SYNPR: variants seen among roughly 807,000 people sequenced by gnomAD.
The protein encoded by SYNPR is synaptoporin.
A neutral mutation model predicts 32.9 loss-of-function variants in SYNPR; 23 were observed. The ratio of observed to expected loss-of-function variants is 0.70; its 90% CI spans 0.50 to 0.99. SYNPR has a LOEUF of 0.99. SYNPR is among the 50% of genes least tolerant of loss of function. SYNPR has a pLI of 0.00. For missense variants in SYNPR, 318 were observed against 349.3 expected (o/e 0.91, Z 0.71); for synonymous variants, 146 against 135.9 (o/e 1.07, Z -0.52).
intron 2 of SYNPR, among the ~76,000 whole-genome samples, chr3:63,280,722 A>AGG (rs1456823049): frequency 7.8e-5 from 10 of 127,518 alleles, no homozygotes; most frequent in African/African-American, 1.9e-4. Context: ...CCCTTGGGGG[A>AGG]GGGGTGTGTG....
At chr3:63,267,531 A>C (rs2106906214) in intron 3 of SYNPR, 1 of 152,262 alleles carries the variant, frequency 6.6e-6, no homozygotes. Context: ...GATGGAGCCA[A>C]TTTATGACAG....
chr3:63,330,904 T>C (rs2087221615), intron 2 of SYNPR, among the ~76,000 whole-genome samples: 1 of 152,006 alleles, frequency 6.6e-6, no homozygotes, highest in African/African-American at 2.4e-5. Context: ...CCCCATTAGA[T>C]AAGGAAGAAA....
chr3:63,408,513 A>G (rs1393400674), intron 2 of SYNPR, among the ~76,000 whole-genome samples: 2 of 152,134 alleles, frequency 1.3e-5, no homozygotes, highest in African/African-American at 4.8e-5. Context: ...TGAAGGCTTG[A>G]GAACCACGAG....
At chr3:63,280,085 C>T (rs1334350461) in intron 2 of SYNPR, among the ~76,000 whole-genome samples, 1 of 152,144 alleles carries the variant, frequency 6.6e-6, no homozygotes, top group Non-Finnish European at 1.5e-5. Flanking sequence ...AAAATAATAG[C>T]TCCATTGTCA....
chr3:63,554,088 C>T (rs1034230540), intron 3 of SYNPR, among the ~76,000 whole-genome samples: 2 of 152,106 alleles, frequency 1.3e-5, no homozygotes, highest in African/African-American at 4.8e-5. Context: ...TCATTTCTTG[C>T]TTGTTGATTT....
chr3:63,379,022 T>C (rs184930837), intron 2 of SYNPR, among the ~76,000 whole-genome samples: 10 of 152,320 alleles, frequency 6.6e-5, no homozygotes, highest in Admixed American at 6.5e-4. Context: ...CAATTCAATG[T>C]ATTTTAAAAA....
intron 2 of SYNPR, among the ~76,000 whole-genome samples, chr3:63,370,986 A>T (rs2087804796): frequency 6.6e-6 from 1 of 152,152 alleles, no homozygotes; most frequent in Admixed American, 6.5e-5. Context: ...CACGGACAGA[A>T]GAAACAGTGG....
the SYNPR span, among the ~76,000 whole-genome samples, chr3:63,211,859 CT>C: frequency 1.8e-5 from 2 of 112,824 alleles, no homozygotes; most frequent in East Asian, 2.7e-4. Flanking sequence ...TCCCTCCCCC[CT>C]CCCCCGACCC....
intron 2 of SYNPR, among the ~76,000 whole-genome samples, chr3:63,308,493 G>A (rs1281697779): frequency 6.6e-6 from 1 of 151,822 alleles, no homozygotes; most frequent in South Asian, 2.1e-4. Flanking sequence ...CTTTTGTAGT[G>A]TATGTCTGTT....
rs867305848 is a variant in SYNPR at position 63,232,215 on chromosome 3, T to C, written n.66+3835T>C. On this transcript the variant is annotated intron_variant and non_coding_transcript_variant, in intron 1 of 4. Coordinates refer to the SYNPR transcript ENST00000478456. ...GACTTTTTTTTTTTTTTTTTTTTTT[T>C]TTTTGAGACAGAGTCTTGTTCTGTT... Among the ~76,000 whole-genome samples the C allele has an allele frequency of 1.4e-3, 200 of 145,460 alleles. 1 individual carries two copies. Among genetic ancestry groups the C allele is most frequent in the Middle Eastern group, 0.01 (3 of 288 alleles).
intron 2 of SYNPR, among the ~76,000 whole-genome samples, chr3:63,327,486 A>G (rs1474348734): frequency 1.3e-5 from 2 of 152,148 alleles, no homozygotes; most frequent in Non-Finnish European, 2.9e-5. Flanking sequence ...ATTCTTAGGT[A>G]TGTTTCCCAA....
At chr3:63,326,637 G>A (rs560996594) in intron 2 of SYNPR, among the ~76,000 whole-genome samples, 1 of 152,248 alleles carries the variant, frequency 6.6e-6, no homozygotes, top group East Asian at 1.9e-4. Flanking sequence ...GAAGCCAGAT[G>A]CTGGTCCTTG....
intron 4 of SYNPR, among the ~76,000 whole-genome samples, chr3:63,567,132 G>A (rs1224032872): frequency 6.6e-6 from 1 of 152,132 alleles, no homozygotes; most frequent in Non-Finnish European, 1.5e-5. Context: ...CAGCCCTAAT[G>A]TATAGCTTCA....
chr3:63,613,610 C>CAAAAAA (rs10566584), intron 5 of SYNPR, among the ~76,000 whole-genome samples: 511 of 46,030 alleles, frequency 0.011, 64 homozygotes, highest in East Asian at 0.021. Context: ...TATGCTGCAG[C>CAAAAAA]AAAAAAAAAA....
intron 3 of SYNPR, among the ~76,000 whole-genome samples, chr3:63,553,889 T>A (rs1702548634): frequency 6.6e-6 from 1 of 151,992 alleles, no homozygotes; most frequent in South Asian, 2.1e-4. Context: ...GCCCGTCTAA[T>A]TTTATATTTT....
intron 3 of SYNPR, among the ~76,000 whole-genome samples, chr3:63,497,512 C>T (rs754044669): frequency 6.6e-6 from 1 of 151,038 alleles, no homozygotes; most frequent in Non-Finnish European, 1.5e-5. Context: ...GAGTAAATGC[C>T]ATGGATAATA....
At chr3:63,524,595 T>A (rs1701971964) in intron 3 of SYNPR, among the ~76,000 whole-genome samples, 1 of 152,154 alleles carries the variant, frequency 6.6e-6, no homozygotes, top group African/African-American at 2.4e-5. Context: ...CCTTTCGCCC[T>A]GATGCCTTGC....
intron 2 of SYNPR, among the ~76,000 whole-genome samples, chr3:63,450,377 T>TA (rs1437109048): frequency 6.6e-5 from 10 of 152,280 alleles, no homozygotes; most frequent in African/African-American, 2.4e-4. Flanking sequence ...TTAATTTATT[T>TA]AAGTCAGAAA....
chr3:63,592,213 C>A (rs948971852), intron 4 of SYNPR, among the ~76,000 whole-genome samples: 2 of 152,116 alleles, frequency 1.3e-5, no homozygotes, highest in Non-Finnish European at 2.9e-5. Context: ...AGGGATTCTC[C>A]CTCAGAGCCT....
Sources: gnomAD v4.1 joint callset for allele counts (sites outside exome capture counted in the v4.1 genomes callset) on GRCh38, gnomAD v4.1.1 for gene constraint, MANE v1.5 for transcripts, NCBI Gene and HGNC (gene_info 2026-07-23, HGNC 2026-07-21) for gene names.